RABEP1: variants seen among roughly 807,000 people sequenced by gnomAD.
The protein encoded by RABEP1 is rabaptin, RAB GTPase binding effector protein 1, also known as rab GTPase-binding effector protein 1.
Under a neutral mutation model 123.4 loss-of-function variants are expected in RABEP1, and 51 were observed. The ratio of observed to expected loss-of-function variants is 0.41; its 90% CI spans 0.33 to 0.52. RABEP1 has a LOEUF of 0.52. Ranked by LOEUF, RABEP1 falls within the 20% of genes least tolerant of loss-of-function variation. The pLI is 0.16. For synonymous variants in RABEP1, 347 were observed against 355.2 expected (o/e 0.98, Z 0.26); for missense variants, 888 against 996.3 (o/e 0.89, Z 1.46).
intron 2 of RABEP1, among the ~76,000 whole-genome samples, chr17:5,314,234 CTTTTTTTTTT>C (rs71151864): frequency 2.7e-4 from 15 of 55,582 alleles, no homozygotes; most frequent in East Asian, 1.4e-3. Context: ...AGTACCTATT[CTTTTTTTTTT>C]TTTTTTTTTT....
In RABEP1 at chr17:5,383,576, G is replaced by C; in HGVS notation, c.*353G>C. 1 of 287,072 alleles carries C rather than the reference G, an allele frequency of 3.5e-6. No homozygotes were observed. Among genetic ancestry groups the C allele is most frequent in the Non-Finnish European group, 6.6e-6 (1 of 150,808 alleles). 17.8% of individuals were successfully genotyped at this position (287,072 alleles called of 1,614,324 possible). ...TAAAGCGACATCCCAGTAGTGTTTG[G>C]AATTTTCTGTTCATAGATATTGGAA... On this transcript the variant is annotated 3_prime_UTR_variant, in exon 18 of 18. Coordinates refer to ENST00000537505, the MANE Select transcript of RABEP1 (RefSeq NM_004703.6).
At chr17:5,370,975 T>G (rs996377983) in intron 12 of RABEP1, among the ~76,000 whole-genome samples, 5 of 152,132 alleles carry the variant, frequency 3.3e-5, no homozygotes, top group African/African-American at 7.2e-5. Flanking sequence ...CTTTTTTTTT[T>G]TTTGTTTTTG....
chr17:5,377,994 T>C (rs1448495800), intron 14 of RABEP1, among the ~76,000 whole-genome samples, 183 bp from the exon 15 acceptor site: 1 of 152,178 alleles, frequency 6.6e-6, no homozygotes, highest in Admixed American at 6.5e-5. Context: ...TCCATTTGCA[T>C]GGATCCTGCT....
intron 4 of RABEP1, among the ~76,000 whole-genome samples, chr17:5,337,640 C>T (rs1351168302): frequency 2.0e-5 from 3 of 151,988 alleles, no homozygotes; most frequent in South Asian, 4.1e-4. Context: ...TTGCAGTGAG[C>T]GGAGATCGTG....
At chr17:5,298,106 A>G (rs1194973861) in intron 1 of RABEP1, among the ~76,000 whole-genome samples, 1 of 152,200 alleles carries the variant, frequency 6.6e-6, no homozygotes, top group African/African-American at 2.4e-5. Flanking sequence ...TATTTCGGAA[A>G]AGCCCATAAA....
chr17:5,330,187 G>A (rs899642225), intron 2 of RABEP1, among the ~76,000 whole-genome samples: 9 of 152,164 alleles, frequency 5.9e-5, no homozygotes, highest in South Asian at 2.1e-4. Context: ...GTGGTTTCAC[G>A]TGTTTACATC....
Position 5,386,334 on chromosome 17 carries a change from A to ATTTCAACATTACCAG in RABEP1, c.*3114_*3115insCAACATTACCAGTTT. On this transcript the variant is annotated 3_prime_UTR_variant, in exon 18 of 18. Coordinates refer to ENST00000537505, the MANE Select transcript of RABEP1 (RefSeq NM_004703.6). Reference sequence around the variant, plus strand: ...AAACCATTTATATGGATTCTTAAGAATTTAAACTGGTAATGTTGAAACATC... The same window carrying ATTTCAACATTACCAG: ...AAACCATTTATATGGATTCTTAAGAATTTCAACATTACCAGTTTAAACTGGTAATGTTGAAACATC... The ATTTCAACATTACCAG allele has an allele frequency of 8.1e-7, 1 of 1,231,614 alleles. No homozygotes were observed. The highest frequency in any genetic ancestry group is 1.2e-6 in the Non-Finnish European group (1 of 857,324). 76.3% of individuals were successfully genotyped at this position (1,231,614 alleles called of 1,614,324 possible).
At position 5,335,229 on chromosome 17, in the gene RABEP1, A is replaced by G; in HGVS notation, c.413A>G (p.Gln138Arg). The part of the protein sequence containing the change: ...YEHQFHLRLE[Q>R]ERTQWAQYRE... Reference sequence around the variant, plus strand: ...CACCAGTTCCACCTTAGGCTGGAGCAGGAGCGAACACAGTGGGCACAGTAT... The same window carrying G: ...CACCAGTTCCACCTTAGGCTGGAGCGGGAGCGAACACAGTGGGCACAGTAT... Residue 138 changes from glutamine (Q) to arginine (R), a missense_variant, in exon 4 of 18, where the codon CAG becomes CGG. By Grantham distance (43) the Gln-to-Arg change is conservative (BLOSUM62 1). Coordinates refer to ENST00000537505, the MANE Select transcript of RABEP1 (RefSeq NM_004703.6). The G allele has an allele frequency of 6.2e-7, 1 of 1,614,048 alleles. No homozygotes were observed. Among genetic ancestry groups the G allele is most frequent in the Non-Finnish European group, 8.5e-7 (1 of 1,179,920 alleles).
At chr17:5,360,254 A>G (rs1327285678) in intron 8 of RABEP1, among the ~76,000 whole-genome samples, 1 of 152,204 alleles carries the variant, frequency 6.6e-6, no homozygotes, top group African/African-American at 2.4e-5. Flanking sequence ...TGTTGATTAC[A>G]CCTTGCTGGA....
chr17:5,328,843 C>T (rs1483373123), intron 2 of RABEP1, among the ~76,000 whole-genome samples: 7 of 148,492 alleles, frequency 4.7e-5, no homozygotes, highest in African/African-American at 1.7e-4. Context: ...CTCAGCTACT[C>T]GGGAGGCTGA....
At position 5,384,292 on chromosome 17, in the gene RABEP1, A is replaced by C; in HGVS notation, c.*1069A>C. ...AGCATTAGATTCCTTTCCTGTGTGAAGAAAGCCTCAGTGAAACAGGTCTTT... is the reference window on the plus strand; with the variant it reads ...AGCATTAGATTCCTTTCCTGTGTGACGAAAGCCTCAGTGAAACAGGTCTTT... On this transcript the variant is annotated 3_prime_UTR_variant, in exon 18 of 18. Coordinates refer to ENST00000537505, the MANE Select transcript of RABEP1 (RefSeq NM_004703.6). 1 of 213,966 alleles carries C rather than the reference A, an allele frequency of 4.7e-6. No individual in the cohort carries two copies. The highest frequency in any genetic ancestry group is 9.4e-6 in the Non-Finnish European group (1 of 105,904). 13.3% of individuals were successfully genotyped at this position (213,966 alleles called of 1,614,324 possible).
chr17:5,282,424 C>T lies in RABEP1; in HGVS notation c.-63C>T. The T allele has an allele frequency of 7.9e-7, 1 of 1,260,076 alleles. No individual in the cohort carries two copies. The allele number at this position is 1,260,076 out of a possible 1,614,324, so 78.1% of individuals were successfully genotyped here. On this transcript the variant is annotated 5_prime_UTR_variant, in exon 1 of 18. Transcript: ENST00000537505. ...TTGACGCCTCCTCCGCCAGCTGAGC[C>T]CGCGGGAGCCCAGGACGCCGCTTCC...
At chr17:5,357,066 T>G (rs1597380819) in intron 8 of RABEP1, among the ~76,000 whole-genome samples, 1 of 151,846 alleles carries the variant, frequency 6.6e-6, no homozygotes, top group Non-Finnish European at 1.5e-5. Context: ...TTAGTAGAGA[T>G]GGGGTTTCAC....
At chr17:5,376,645 CT>C (rs1911016258) in intron 13 of RABEP1, among the ~76,000 whole-genome samples, 1 of 152,128 alleles carries the variant, frequency 6.6e-6, no homozygotes, top group East Asian at 1.9e-4. Context: ...TACTTTGCCT[CT>C]GGTAGATGTT....
intron 12 of RABEP1, among the ~76,000 whole-genome samples, chr17:5,369,974 C>T (rs1284877325): frequency 6.6e-6 from 1 of 152,226 alleles, no homozygotes. Flanking sequence ...GCTGGGATTA[C>T]AGGCATGAGC....
chr17:5,310,299 T>TG (rs1158265458), intron 2 of RABEP1, among the ~76,000 whole-genome samples: 36,035 of 126,596 alleles, frequency 0.28, 7,109 homozygotes, highest in East Asian at 0.42. Flanking sequence ...GAAAGCTTCG[T>TG]CCTTTTTTTT....
At chr17:5,374,160 A>G (rs1402690481) in intron 13 of RABEP1, among the ~76,000 whole-genome samples, 1 of 151,572 alleles carries the variant, frequency 6.6e-6, no homozygotes, top group South Asian at 2.1e-4. Context: ...TCCGCCTCAC[A>G]GGTTTAAACG....
intron 1 of RABEP1, among the ~76,000 whole-genome samples, chr17:5,307,327 T>C (rs577604836): frequency 1.3e-5 from 2 of 152,172 alleles, no homozygotes; most frequent in Non-Finnish European, 2.9e-5. Context: ...CAAAAGCATA[T>C]GGAAGAAATT....
intron 7 of RABEP1, among the ~76,000 whole-genome samples, chr17:5,353,118 A>G (rs1036564999): frequency 6.6e-6 from 1 of 152,060 alleles, no homozygotes; most frequent in Non-Finnish European, 1.5e-5. Context: ...CTCTTTCTCC[A>G]TGTCCTTTAC....
Sources: allele counts gnomAD v4.1 joint callset (sites outside exome capture counted in the v4.1 genomes callset), GRCh38; gene constraint gnomAD v4.1.1; transcripts MANE v1.5; gene names NCBI Gene and HGNC (gene_info 2026-07-23, HGNC 2026-07-21).